Variants in ADK observed in about 807,000 individuals in gnomAD.
ADK encodes the protein adenosine kinase.
A neutral mutation model predicts 44.7 loss-of-function variants in ADK; 24 were observed. The observed-to-expected ratio is 0.54, with a 90% CI of 0.39 to 0.76. The LOEUF (loss-of-function observed/expected upper bound fraction) is 0.76, where lower values mean the gene tolerates loss of function less well. Among genes scored for constraint, ADK ranks in the 30% least tolerant of loss-of-function variants. The probability of loss-of-function intolerance (pLI) is 0.00; values close to 1 mark genes in which losing one functional copy is unlikely to be tolerated. For missense variants in ADK, 321 were observed against 425.1 expected (o/e 0.76, Z 2.15); for synonymous variants, 128 against 142.6 (o/e 0.90, Z 0.73).
At chr10:74,292,669 G>A (rs1329885056) in intron 3 of ADK, among the ~76,000 whole-genome samples, 2 of 151,998 alleles carry the variant, frequency 1.3e-5, no homozygotes, top group African/African-American at 4.8e-5. Flanking sequence ...ACTCATTCTT[G>A]TTTTTCCTCT....
intron 6 of ADK, among the ~76,000 whole-genome samples, chr10:74,419,406 A>G (rs148095448): frequency 6.6e-6 from 1 of 152,288 alleles, no homozygotes; most frequent in East Asian, 1.9e-4. Context: ...TCTTTCAGGT[A>G]CAATACCAGA....
chr10:74,375,780 T>C (rs1483307246), intron 4 of ADK, among the ~76,000 whole-genome samples: 2 of 152,174 alleles, frequency 1.3e-5, no homozygotes, highest in Admixed American at 6.5e-5. Context: ...TTTGTAGTAG[T>C]TGGTGTATGT....
chr10:74,463,127 T>G (rs1846227442), intron 6 of ADK, among the ~76,000 whole-genome samples: 1 of 152,184 alleles, frequency 6.6e-6, no homozygotes, highest in African/African-American at 2.4e-5. Flanking sequence ...ATTTATTAGA[T>G]TCACCAGTGT....
chr10:74,278,764 G>A (rs1347235758), intron 3 of ADK, among the ~76,000 whole-genome samples: 1 of 152,126 alleles, frequency 6.6e-6, no homozygotes, highest in East Asian at 1.9e-4. Flanking sequence ...CCTCTAACTT[G>A]TGGCCTCAAG....
At chr10:74,176,946 G>A in intron 1 of ADK, 1 of 1,600,130 alleles carries the variant, frequency 6.2e-7, no homozygotes, top group Non-Finnish European at 8.5e-7. Context: ...CCGAGCGCGT[G>A]AGCACTGTCG....
chr10:74,520,490 C>G (rs1848771592), intron 6 of ADK, among the ~76,000 whole-genome samples: 1 of 151,538 alleles, frequency 6.6e-6, no homozygotes, highest in African/African-American at 2.4e-5. Context: ...ACCCCTATTC[C>G]TCACATAATT....
At chr10:74,616,477 A>C (rs1852764342) in intron 9 of ADK, among the ~76,000 whole-genome samples, 1 of 152,204 alleles carries the variant, frequency 6.6e-6, no homozygotes, top group Non-Finnish European at 1.5e-5. Flanking sequence ...ATTCATTGAC[A>C]GGAATATCCT....
chr10:74,224,373 T>A (rs536121397), intron 2 of ADK, among the ~76,000 whole-genome samples, 165 bp from the exon 3 acceptor site: 7 of 152,156 alleles, frequency 4.6e-5, no homozygotes, highest in Non-Finnish European at 8.8e-5. Flanking sequence ...TTCCTGGAAA[T>A]GACTAATAGA....
chr10:74,210,341 A>AAG (rs1413906637), intron 2 of ADK, among the ~76,000 whole-genome samples: 2 of 151,422 alleles, frequency 1.3e-5, no homozygotes, highest in Admixed American at 6.6e-5. Context: ...AAAAAAAAAA[A>AAG]AAAAAAAAAA....
At chr10:74,257,037 CTTTAA>C (rs1268251316) in intron 3 of ADK, among the ~76,000 whole-genome samples, 1 of 152,082 alleles carries the variant, frequency 6.6e-6, no homozygotes, top group Non-Finnish European at 1.5e-5. Flanking sequence ...ATTGACTTAT[CTTTAA>C]TTTGTTAAAT....
intron 3 of ADK, among the ~76,000 whole-genome samples, chr10:74,240,392 G>GTGTGTGTC (rs986463889): frequency 2.6e-5 from 4 of 151,600 alleles, no homozygotes; most frequent in South Asian, 2.1e-4. Context: ...GTGTGTGTGT[G>GTGTGTGTC]TGTGTGTGTC....
At chr10:74,554,633 C>T (rs1039417612) in intron 7 of ADK, among the ~76,000 whole-genome samples, 3 of 151,774 alleles carry the variant, frequency 2.0e-5, no homozygotes, top group Admixed American at 6.6e-5. Context: ...TCTTTTTTCA[C>T]TAGTCCATTT....
chr10:74,679,687 C>T (rs1434690802), intron 10 of ADK, among the ~76,000 whole-genome samples: 3 of 151,930 alleles, frequency 2.0e-5, no homozygotes, highest in Non-Finnish European at 4.4e-5. Context: ...ATAGGCCAGG[C>T]GCAGGGGCTC....
At chr10:74,258,669 A>G (rs1845916513) in intron 3 of ADK, among the ~76,000 whole-genome samples, 1 of 152,212 alleles carries the variant, frequency 6.6e-6, no homozygotes, top group African/African-American at 2.4e-5. Context: ...GTCATAATCT[A>G]GTAATTCACA....
chr10:74,386,656 C>T (rs1383229933), intron 4 of ADK, among the ~76,000 whole-genome samples: 1 of 152,152 alleles, frequency 6.6e-6, no homozygotes, highest in Non-Finnish European at 1.5e-5. Flanking sequence ...CAGGATGTTG[C>T]CTAAATTTCT....
intron 7 of ADK, among the ~76,000 whole-genome samples, chr10:74,568,325 C>G (rs1357067895): frequency 6.6e-6 from 1 of 151,690 alleles, no homozygotes; most frequent in African/African-American, 2.4e-5. Flanking sequence ...TTTTCATTGT[C>G]ATCTCCTCAC....
chr10:74,394,489 G>A (rs1843442275), intron 5 of ADK, among the ~76,000 whole-genome samples, 176 bp downstream of exon 5: 1 of 152,130 alleles, frequency 6.6e-6, no homozygotes, highest in Admixed American at 6.5e-5. Flanking sequence ...TGTTAAACAT[G>A]CAGTTGAATT....
intron 10 of ADK, among the ~76,000 whole-genome samples, chr10:74,707,896 C>T (rs1352816829): frequency 6.6e-6 from 1 of 151,272 alleles, no homozygotes; most frequent in Non-Finnish European, 1.5e-5. Context: ...GGCACAGTGG[C>T]TCAACACCTG....
chr10:74,371,872 A>AG, intron 4 of ADK: 1 of 1,444,134 alleles, frequency 6.9e-7, no homozygotes. Flanking sequence ...AACCACATCC[A>AG]GGCAGCCTTC....
Sources: gnomAD v4.1 joint callset for allele counts (sites outside exome capture counted in the v4.1 genomes callset) on GRCh38, gnomAD v4.1.1 for gene constraint, MANE v1.5 for transcripts, NCBI Gene and HGNC (gene_info 2026-07-23, HGNC 2026-07-21) for gene names.